Variants in MKKS observed in about 807,000 individuals in gnomAD.
MKKS encodes MKKS centrosomal shuttling protein, also known as molecular chaperone MKKS.
In MKKS, 29 loss-of-function variants were observed where a neutral mutation model predicts 33.2. The ratio of observed to expected loss-of-function variants is 0.87; its 90% CI spans 0.65 to 1.19. The LOEUF is 1.19. MKKS is among the 50% of genes most tolerant of loss of function. The pLI is 0.00. For missense variants in MKKS, 661 were observed against 662.3 expected, an observed-to-expected ratio of 1.00 and a Z score of 0.02; for synonymous variants, 260 against 244.0, an observed-to-expected ratio of 1.07 and a Z score of -0.61.
intron 2 of MKKS, among the ~76,000 whole-genome samples, chr20:10,416,830 T>C (rs1035827325): frequency 8.5e-5 from 13 of 152,230 alleles, no homozygotes; most frequent in African/African-American, 2.9e-4. Flanking sequence ...TGCCTGTTTT[T>C]GTAAATGAAG....
At chr20:10,419,693 C>G (rs1181391930) in intron 2 of MKKS, among the ~76,000 whole-genome samples, 1 of 152,116 alleles carries the variant, frequency 6.6e-6, no homozygotes, top group African/African-American at 2.4e-5. Context: ...GCGGAGATAC[C>G]ACCACAGTTG....
chr20:10,408,345 C>T (rs2064857529), intron 4 of MKKS, among the ~76,000 whole-genome samples: 1 of 152,152 alleles, frequency 6.6e-6, no homozygotes, highest in African/African-American at 2.4e-5. Flanking sequence ...ATACACATTA[C>T]CATCAAAGAC....
At chr20:10,427,255 A>G (rs1427435245) in intron 1 of MKKS, among the ~76,000 whole-genome samples, 1 of 152,104 alleles carries the variant, frequency 6.6e-6, no homozygotes, top group Non-Finnish European at 1.5e-5. Context: ...GTTACATCAA[A>G]TGTTCTCATT....
At chr20:10,428,850 TA>T (rs1197091563) in intron 1 of MKKS, among the ~76,000 whole-genome samples, 2 of 151,866 alleles carry the variant, frequency 1.3e-5, no homozygotes, top group Non-Finnish European at 2.9e-5. Context: ...TCTCAATAAA[TA>T]AATAAATAAA....
chr20:10,423,603 G>GTAT (rs1413451668), intron 1 of MKKS, among the ~76,000 whole-genome samples: 1 of 152,172 alleles, frequency 6.6e-6, no homozygotes, highest in East Asian at 1.9e-4. Context: ...TAATGACATA[G>GTAT]TATGAACCCT....
At chr20:10,427,029 G>GACACACACACACACACACACACACACAC (rs377703248) in intron 1 of MKKS, among the ~76,000 whole-genome samples, 9 of 130,724 alleles carry the variant, frequency 6.9e-5, no homozygotes, top group East Asian at 2.6e-4. Context: ...AGAAAACACT[G>GACACACACACACACACACACACACACAC]ACACACACAC....
chr20:10,420,032 A>G (rs1356726020), intron 2 of MKKS, among the ~76,000 whole-genome samples: 3 of 152,158 alleles, frequency 2.0e-5, no homozygotes, highest in Admixed American at 1.3e-4. Context: ...AACTTTTTGA[A>G]TTTTGGAATT....
In MKKS at chr20:10,416,674, T is replaced by C. The variant is rs576142725; in HGVS notation, c.-417-2743A>G. Among the ~76,000 whole-genome samples the C allele has an allele frequency of 2.6e-5, 4 of 152,200 alleles. No individual in the cohort carries two copies. The South Asian group carries it at 8.3e-4, about 32-fold the overall frequency. On this transcript the variant is annotated intron_variant, in intron 2 of 5. Coordinates refer to ENST00000347364, the MANE Select transcript of MKKS (RefSeq NM_170784.3). ...AATGCATTTTGGGGTAACTGAATAGTTGACGATGGAAAGTTGTTCCAGCTA... is the reference window on the plus strand; with the variant it reads ...AATGCATTTTGGGGTAACTGAATAGCTGACGATGGAAAGTTGTTCCAGCTA...
At chr20:10,424,926 G>A (rs1485126921) in intron 1 of MKKS, among the ~76,000 whole-genome samples, 5 of 151,844 alleles carry the variant, frequency 3.3e-5, no homozygotes, top group African/African-American at 9.7e-5. Flanking sequence ...GGTGGCAGGC[G>A]CCTGTAATCC....
chr20:10,428,703 G>A (rs2065033161), intron 1 of MKKS, among the ~76,000 whole-genome samples: 1 of 152,156 alleles, frequency 6.6e-6, no homozygotes, highest in Non-Finnish European at 1.5e-5. Context: ...AGCTGGATGT[G>A]GTGGGTGCAC....
intron 1 of MKKS, among the ~76,000 whole-genome samples, chr20:10,420,983 T>G (rs917900521): frequency 6.6e-6 from 1 of 152,214 alleles, no homozygotes; most frequent in Non-Finnish European, 1.5e-5. Flanking sequence ...CAATACTGAC[T>G]TTTTGGCAAC....
In MKKS at chr20:10,410,686, G is replaced by GT. The variant is rs1247200397; in HGVS notation, c.985+1843dup. Among the ~76,000 whole-genome samples, 3 of 152,246 alleles carry GT rather than the reference G, an allele frequency of 2.0e-5. No individual in the cohort carries two copies. The East Asian group carries it at 5.8e-4, about 29-fold the overall frequency. ...GCTTCACATGTGGCACCCATCCACA[G>GT]TAACACCCACTACACAACCTATATC... On this transcript the variant is annotated intron_variant, in intron 3 of 5. Coordinates refer to ENST00000347364, the MANE Select transcript of MKKS (RefSeq NM_170784.3).
chr20:10,415,490 C>T (rs942676674), intron 2 of MKKS, among the ~76,000 whole-genome samples: 2 of 152,126 alleles, frequency 1.3e-5, no homozygotes, highest in Non-Finnish European at 2.9e-5. Context: ...TGATGGTCAG[C>T]TTTCTTCCTG....
rs1484467036 is a variant in MKKS at position 10,434,112 on chromosome 20, G to C, written c.-653C>G. The stretch of plus-strand genomic sequence containing the variant: ...CTAGAGTCCCAGCGCTCTCACCTGC[G>C]CACCAGCCGTCGCGCCGCCCCAGGC... On this transcript the variant is annotated 5_prime_UTR_variant, in exon 1 of 6. Coordinates refer to ENST00000347364, the MANE Select transcript of MKKS (RefSeq NM_170784.3). The C allele has an allele frequency of 6.6e-6, 1 of 152,342 alleles. No individual in the cohort carries two copies. 9.4% of individuals were successfully genotyped at this position (152,342 alleles called of 1,614,324 possible). A position where few individuals can be genotyped will look rare whatever the true frequency, so the allele number is the denominator to read the frequency against.
chr20:10,405,425 A>G lies in MKKS; in HGVS notation c.1535T>C (p.Phe512Ser). ...AAATGGACGACGTGTGCTTCTTAAG[A>G]AAGACCAGTTGAGTTCTTCCTGGCT... ...YNSQEELNWS[F>S]LRSTRRPFVP... Residue 512 changes from phenylalanine (F) to serine (S), a missense_variant, in exon 6 of 6, where the codon TTC (phenylalanine) becomes TCC (serine). By Grantham distance (155) the Phe-to-Ser change is radical. Transcript: ENST00000347364. 1 of 1,614,184 alleles carries G rather than the reference A, an allele frequency of 6.2e-7. No homozygotes were observed. The highest frequency in any genetic ancestry group is 8.5e-7 in the Non-Finnish European group (1 of 1,180,032).
chr20:10,423,414 C>T (rs987865236), intron 1 of MKKS, among the ~76,000 whole-genome samples: 6 of 151,540 alleles, frequency 4.0e-5, no homozygotes, highest in African/African-American at 9.7e-5. Flanking sequence ...GAAATGCGAT[C>T]GTTTCAAAAA....
At chr20:10,420,435 T>G (rs1204289681) in intron 2 of MKKS, 93 bp downstream of exon 2, 1 of 152,216 alleles carries the variant, frequency 6.6e-6, no homozygotes, top group Non-Finnish European at 1.5e-5. Flanking sequence ...AACTTACCAA[T>G]TTAGGCTTTT....
intron 1 of MKKS, among the ~76,000 whole-genome samples, chr20:10,433,325 G>A (rs551867275): frequency 6.6e-6 from 1 of 152,292 alleles, no homozygotes; most frequent in East Asian, 1.9e-4. Context: ...TTTTCTATCC[G>A]CAGTTGGTTG....
intron 2 of MKKS, among the ~76,000 whole-genome samples, chr20:10,414,338 TCAC>T (rs1431730034): frequency 2.6e-5 from 4 of 150,974 alleles, no homozygotes; most frequent in African/African-American, 7.3e-5. Flanking sequence ...TGATCTTGGC[TCAC>T]CACAACCTCA....
Sources: gnomAD v4.1 joint callset for allele counts (sites outside exome capture counted in the v4.1 genomes callset) on GRCh38, gnomAD v4.1.1 for gene constraint, MANE v1.5 for transcripts, NCBI Gene and HGNC (gene_info 2026-07-23, HGNC 2026-07-21) for gene names.